The following EIF4E3 variants were observed in gnomAD, a reference collection of about 807,000 sequenced individuals.
EIF4E3 encodes the protein eukaryotic translation initiation factor 4E type 3.
In EIF4E3, 26 loss-of-function variants were observed where a neutral mutation model predicts 31.7. The observed-to-expected ratio is 0.82, with a 90% CI of 0.60 to 1.14. The LOEUF is 1.14. EIF4E3 is among the 50% of genes most tolerant of loss of function. EIF4E3 has a pLI of 0.00. For synonymous variants in EIF4E3, 128 were observed against 107.7 expected (o/e 1.19, Z -1.17); for missense variants, 304 against 270.9 (o/e 1.12, Z -0.86).
At chr3:71,707,079 G>T (rs1390656415) in intron 2 of EIF4E3, among the ~76,000 whole-genome samples, 2 of 152,008 alleles carry the variant, frequency 1.3e-5, no homozygotes, top group African/African-American at 2.4e-5. Context: ...TAGAAGCAGT[G>T]GTATATAGTT....
At position 71,689,854 on chromosome 3, in the gene EIF4E3, TA is replaced by T. The variant is rs376899673; in HGVS notation, c.628+155del. ...TTTCTGAGACTAAGCTTGTTTTTTT[TA>T]AAAAAAAAAAAAACTTAAATGTATT... On this transcript the variant is annotated intron_variant, in intron 6 of 6. Coordinates refer to ENST00000425534, the MANE Select transcript of EIF4E3 (RefSeq NM_001134651.2). 2.8e-3 allele frequency among the ~76,000 whole-genome samples: 390 copies of T among 141,186 alleles called. 1 individual carries two copies. The highest frequency in any genetic ancestry group is 0.015 in the East Asian group (54 of 3,494). 92.6% of individuals were successfully genotyped at this position (141,186 alleles called of 152,430 possible).
chr3:71,661,114 A>AATTGTT, the EIF4E3 span, among the ~76,000 whole-genome samples: 164 of 151,890 alleles, frequency 1.1e-3, no homozygotes, highest in Non-Finnish European at 1.5e-3. Flanking sequence ...TAAATATAAT[A>AATTGTT]ATTGTTATTG....
rs983058993 is a variant in EIF4E3, at chr3:71,684,066, A to C, written c.*616T>G. The C allele has an allele frequency of 6.6e-6, 1 of 152,562 alleles. No individual in the cohort carries two copies. Among genetic ancestry groups the C allele is most frequent in the Non-Finnish European group, 1.5e-5 (1 of 68,042 alleles). The allele number at this position is 152,562 out of a possible 1,614,324, so 9.5% of individuals were successfully genotyped here. A position where few individuals can be genotyped will look rare whatever the true frequency, so the allele number is the denominator to read the frequency against. ...ATTTTCCTTTTATCACTAAAAAAAAATGTTTTAAAAAGGAAAATTAAAGAT... is the reference window on the plus strand; with the variant it reads ...ATTTTCCTTTTATCACTAAAAAAAACTGTTTTAAAAAGGAAAATTAAAGAT... On this transcript the variant is annotated 3_prime_UTR_variant, in exon 7 of 7. Transcript: ENST00000425534.
At chr3:71,752,159 C>G (rs2049935771) in intron 1 of EIF4E3, among the ~76,000 whole-genome samples, 1 of 152,110 alleles carries the variant, frequency 6.6e-6, no homozygotes, top group South Asian at 2.1e-4. Context: ...AAAGTAAGGT[C>G]AGCAGACCAA....
At chr3:71,662,928 G>A in the EIF4E3 span, among the ~76,000 whole-genome samples, 1 of 152,304 alleles carries the variant, frequency 6.6e-6, no homozygotes, top group Admixed American at 6.5e-5. Flanking sequence ...GATGAGTGCA[G>A]TAGCCTGATC....
chr3:71,667,779 C>A, the EIF4E3 span, among the ~76,000 whole-genome samples: 4 of 152,136 alleles, frequency 2.6e-5, no homozygotes, highest in Non-Finnish European at 2.9e-5. Flanking sequence ...GAAAAATATT[C>A]CCTGCTCATG....
At chr3:71,713,124 TTGCTAGTG>T (rs745395905) in intron 1 of EIF4E3, among the ~76,000 whole-genome samples, 2 of 152,236 alleles carry the variant, frequency 1.3e-5, no homozygotes, top group Non-Finnish European at 2.9e-5. Flanking sequence ...TGCCGAATTC[TTGCTAGTG>T]TGCTGAGCCT....
intron 5 of EIF4E3, among the ~76,000 whole-genome samples, chr3:71,691,026 C>G (rs1206626110): frequency 6.6e-6 from 1 of 152,160 alleles, no homozygotes; most frequent in Non-Finnish European, 1.5e-5. Context: ...CTGTTTTATC[C>G]TCCCTTGCAG....
chr3:71,685,776 A>T (rs1313608102), intron 6 of EIF4E3, among the ~76,000 whole-genome samples: 1 of 152,252 alleles, frequency 6.6e-6, no homozygotes, highest in Non-Finnish European at 1.5e-5. Context: ...ATTTTCTCTA[A>T]GGCAAAAGAC....
intron 1 of EIF4E3, among the ~76,000 whole-genome samples, chr3:71,712,879 T>C (rs1295200352): frequency 7.2e-6 from 1 of 139,850 alleles, no homozygotes; most frequent in Non-Finnish European, 1.5e-5. Flanking sequence ...AAAGCACTGA[T>C]GAAAATTTGC....
At chr3:71,722,790 G>C (rs749772152) in intron 1 of EIF4E3, among the ~76,000 whole-genome samples, 2 of 152,218 alleles carry the variant, frequency 1.3e-5, no homozygotes, top group Non-Finnish European at 2.9e-5. Flanking sequence ...GTGGGTATGG[G>C]GAGGGGTTGG....
At chr3:71,710,905 C>T (rs1436289786) in intron 1 of EIF4E3, among the ~76,000 whole-genome samples, 2 of 152,188 alleles carry the variant, frequency 1.3e-5, no homozygotes, top group Non-Finnish European at 2.9e-5. Context: ...TTGTTAGTAA[C>T]TGGGTGGCAA....
At position 71,734,293 on chromosome 3, in the gene EIF4E3, T is replaced by C. The variant is rs923609634; in HGVS notation, c.-290-5670A>G. ...CCCTCAGATGACTTTATACAAGTAT[T>C]TGATGTCACAAATATATACTGTGGT... is the stretch of plus-strand genomic sequence containing the variant. On this transcript the variant is annotated intron_variant, in intron 1 of 7. Transcript: ENST00000295612. Among the ~76,000 whole-genome samples, 4 of 152,310 alleles carry C rather than the reference T, an allele frequency of 2.6e-5. No homozygotes were observed. In the East Asian group the frequency reaches 7.7e-4, roughly 29 times the overall value.
At chr3:71,699,732 T>C in intron 2 of EIF4E3, 24 bp from the exon 3 acceptor site, 2 of 1,575,022 alleles carry the variant, frequency 1.3e-6, no homozygotes, top group South Asian at 1.1e-5. Context: ...ACAAACACTT[T>C]GTTTAATATA....
intron 2 of EIF4E3, among the ~76,000 whole-genome samples, chr3:71,708,041 T>G (rs2049320273): frequency 6.6e-6 from 1 of 151,880 alleles, no homozygotes; most frequent in African/African-American, 2.4e-5. Flanking sequence ...TCCAGGCTAA[T>G]TTTTGTATTT....
chr3:71,665,981 C>T, the EIF4E3 span, among the ~76,000 whole-genome samples: 1 of 152,116 alleles, frequency 6.6e-6, no homozygotes, highest in Non-Finnish European at 1.5e-5. Flanking sequence ...GCACTAAATG[C>T]CCACAGGAGA....
chr3:71,703,811 C>CAAAAAA (rs370789059), intron 2 of EIF4E3, among the ~76,000 whole-genome samples: 93 of 72,208 alleles, frequency 1.3e-3, no homozygotes, highest in African/African-American at 1.6e-3. Context: ...AAACACACAT[C>CAAAAAA]AAAAAAAAAA....
chr3:71,685,219 C>T (rs1449138608), intron 6 of EIF4E3, among the ~76,000 whole-genome samples: 3 of 152,168 alleles, frequency 2.0e-5, no homozygotes, highest in African/African-American at 4.8e-5. Flanking sequence ...CTGCTCCCTA[C>T]CTCTCAACAC....
At chr3:71,691,234 G>C (rs1371457696) in intron 5 of EIF4E3, among the ~76,000 whole-genome samples, 4 of 152,134 alleles carry the variant, frequency 2.6e-5, no homozygotes, top group African/African-American at 7.2e-5. Flanking sequence ...TGCCTAATTT[G>C]CTGGCCTCTG....
Sources: gnomAD v4.1 joint callset for allele counts (sites outside exome capture counted in the v4.1 genomes callset) on GRCh38, gnomAD v4.1.1 for gene constraint, MANE v1.5 for transcripts, NCBI Gene and HGNC (gene_info 2026-07-23, HGNC 2026-07-21) for gene names.